The following METAP1D variants were observed in gnomAD, a reference collection of about 807,000 sequenced individuals.
The protein encoded by METAP1D is methionyl aminopeptidase type 1D, mitochondrial.
Under a neutral mutation model 40.5 loss-of-function variants are expected in METAP1D, and 31 were observed. That is an observed-to-expected ratio of 0.77 (90% CI 0.58 to 1.03). The LOEUF is 1.03. Ranked by LOEUF, METAP1D falls within the 50% of genes least tolerant of loss-of-function variation. The pLI, the probability that METAP1D is intolerant of heterozygous loss-of-function variation, is 0.00. For missense variants in METAP1D, 411 were observed against 420.7 expected, an observed-to-expected ratio of 0.98 and a Z score of 0.20; for synonymous variants, 151 against 146.4, an observed-to-expected ratio of 1.03 and a Z score of -0.22.
At chr2:172,062,644 G>A (rs1456069469) in intron 2 of METAP1D, among the ~76,000 whole-genome samples, 1 of 152,176 alleles carries the variant, frequency 6.6e-6, no homozygotes, top group Non-Finnish European at 1.5e-5. Flanking sequence ...GTGAGCATTT[G>A]TGGGCATTTG....
At chr2:172,021,173 G>A (rs946701133) in intron 1 of METAP1D, among the ~76,000 whole-genome samples, 7 of 151,900 alleles carry the variant, frequency 4.6e-5, no homozygotes, top group African/African-American at 2.4e-5. Context: ...GCATTTTCAC[G>A]TTTAGGTAAA....
chr2:172,036,510 C>T (rs1451392142), intron 1 of METAP1D, among the ~76,000 whole-genome samples: 3 of 150,660 alleles, frequency 2.0e-5, no homozygotes, highest in Non-Finnish European at 4.4e-5. Flanking sequence ...GGACTACAGG[C>T]GCCTGCCACC....
chr2:172,053,265 T>C (rs1689928349), intron 1 of METAP1D, among the ~76,000 whole-genome samples: 1 of 152,200 alleles, frequency 6.6e-6, no homozygotes, highest in African/African-American at 2.4e-5. Flanking sequence ...TTGGTTGGAG[T>C]TCATGAAGTG....
At chr2:172,078,702 G>A (rs1286567232) in intron 7 of METAP1D, among the ~76,000 whole-genome samples, 3 of 152,344 alleles carry the variant, frequency 2.0e-5, no homozygotes, top group East Asian at 3.9e-4. Context: ...AGAGGTTCAG[G>A]TGAGAGTGCA....
intron 1 of METAP1D, among the ~76,000 whole-genome samples, chr2:172,051,718 C>G (rs1233996424): frequency 1.3e-5 from 2 of 152,130 alleles, no homozygotes; most frequent in South Asian, 2.1e-4. Flanking sequence ...TCCAGTTCAT[C>G]TTTTCTAGAA....
intron 1 of METAP1D, among the ~76,000 whole-genome samples, chr2:172,049,618 G>A (rs1689844692): frequency 6.6e-6 from 1 of 152,058 alleles, no homozygotes; most frequent in Admixed American, 6.6e-5. Context: ...AATTATTTGG[G>A]CAACATAACT....
chr2:172,076,969 T>C (rs1024649767), intron 6 of METAP1D, among the ~76,000 whole-genome samples: 3 of 152,246 alleles, frequency 2.0e-5, no homozygotes, highest in African/African-American at 2.4e-5. Flanking sequence ...TTTTCAATCT[T>C]GTAGATGAAG....
At chr2:172,024,768 G>A (rs1363656798) in intron 1 of METAP1D, among the ~76,000 whole-genome samples, 4 of 60,254 alleles carry the variant, frequency 6.6e-5, no homozygotes, top group South Asian at 1.3e-3. Flanking sequence ...GTGTGTGTGT[G>A]TGTGTGTGTG....
rs200182537 is a variant in METAP1D at position 172,077,833 on chromosome 2, A to C, written c.741A>C (p.Pro247=). Residue 247 remains proline (P), a synonymous_variant, in exon 7 of 10, where the codon CCA becomes CCC. Coordinates refer to ENST00000315796, the MANE Select transcript of METAP1D (RefSeq NM_199227.3). The part of the protein sequence containing the change: ...ITHQNGFQVC[P]HFVGHGIGSY... ...ATCAGAATGGTTTTCAAGTCTGTCC[A>C]CATTTTGTGGGACATGGAATAGGAT... 1 of 1,611,878 alleles carries C rather than the reference A, an allele frequency of 6.2e-7. No individual in the cohort carries two copies. The highest frequency in any genetic ancestry group is 1.3e-5 in the African/African-American group (1 of 74,954).
chr2:172,045,813 GTGTGTGTA>G (rs1298378340), intron 1 of METAP1D, among the ~76,000 whole-genome samples: 380 of 39,278 alleles, frequency 9.7e-3, no homozygotes, highest in Middle Eastern at 0.013. Flanking sequence ...GTGTGTGTGT[GTGTGTGTA>G]TATATATATA....
chr2:172,051,858 A>T (rs1252969872), intron 1 of METAP1D, among the ~76,000 whole-genome samples: 3 of 152,220 alleles, frequency 2.0e-5, no homozygotes, highest in African/African-American at 7.2e-5. Context: ...GCATCCTCAT[A>T]AAAATTGCAA....
intron 6 of METAP1D, among the ~76,000 whole-genome samples, chr2:172,076,285 CAT>C (rs1321734601): frequency 6.7e-6 from 1 of 148,968 alleles, no homozygotes; most frequent in African/African-American, 2.5e-5. Flanking sequence ...ATTGAACTAA[CAT>C]AATTTATAGG....
chr2:172,036,680 C>T (rs933946942), intron 1 of METAP1D, among the ~76,000 whole-genome samples: 1 of 151,958 alleles, frequency 6.6e-6, no homozygotes, highest in Non-Finnish European at 1.5e-5. Context: ...CCACCTTTTT[C>T]TATTACAAAC....
At chr2:172,056,637 C>A (rs574449546) in intron 1 of METAP1D, among the ~76,000 whole-genome samples, 1 of 152,218 alleles carries the variant, frequency 6.6e-6, no homozygotes, top group African/African-American at 2.4e-5. Flanking sequence ...CATTTAGAGA[C>A]CCCACAGGTA....
chr2:172,080,067 G>C, intron 8 of METAP1D, 61 bp from the exon 9 acceptor site: 1 of 1,447,056 alleles, frequency 6.9e-7, no homozygotes, highest in Non-Finnish European at 9.6e-7. Context: ...ATAATCAGCC[G>C]GAAACAATGT....
intron 1 of METAP1D, among the ~76,000 whole-genome samples, chr2:172,029,759 C>T (rs1179339055): frequency 6.6e-6 from 1 of 152,096 alleles, no homozygotes; most frequent in Non-Finnish European, 1.5e-5. Context: ...TACTTACTTA[C>T]TTATTTATTT....
At position 172,040,060 on chromosome 2, in the gene METAP1D, C is replaced by A. The variant is rs1040766959; in HGVS notation, c.41-21438C>A. Among the ~76,000 whole-genome samples the A allele has an allele frequency of 2.0e-5, 3 of 151,768 alleles. No individual in the cohort carries two copies. The East Asian group carries it at 5.8e-4, about 29-fold the overall frequency. On this transcript the variant is annotated intron_variant, in intron 1 of 9. Coordinates refer to ENST00000315796, the MANE Select transcript of METAP1D (RefSeq NM_199227.3). ...AGTGCAACTGCCTGCCGGGTTCAAG[C>A]GATTCTTCTGCCTCAGCCTCCTGAG...
chr2:172,052,281 C>T (rs1272864543), intron 1 of METAP1D, among the ~76,000 whole-genome samples: 1 of 152,178 alleles, frequency 6.6e-6, no homozygotes, highest in Non-Finnish European at 1.5e-5. Context: ...AACAGATCCA[C>T]TTTTCTCTCT....
chr2:172,005,624 G>A (rs1009632416), intron 1 of METAP1D, among the ~76,000 whole-genome samples: 1 of 143,178 alleles, frequency 7.0e-6, no homozygotes, highest in African/African-American at 2.6e-5. Flanking sequence ...TGCAACCTCC[G>A]CCTCCCGGGT....
Sources: gnomAD v4.1 joint callset for allele counts (sites outside exome capture counted in the v4.1 genomes callset) on GRCh38, gnomAD v4.1.1 for gene constraint, MANE v1.5 for transcripts, NCBI Gene and HGNC (gene_info 2026-07-23, HGNC 2026-07-21) for gene names.